The following BLTP1 variants were observed in gnomAD, a reference collection of about 807,000 sequenced individuals.
BLTP1 encodes fragile site-associated protein.
the BLTP1 span, chr4:122,221,117 A>G: frequency 3.4e-6 from 3 of 884,716 alleles, no homozygotes; most frequent in African/African-American, 3.6e-5. Context: ...ATGGAACTTA[A>G]TACAAGACAA....
At chr4:122,291,715 A>G in the BLTP1 span, 2 of 978,108 alleles carry the variant, frequency 2.0e-6, no homozygotes, top group African/African-American at 3.5e-5. Context: ...TAAGGAGGTT[A>G]CCATCTTAGA....
At chr4:122,190,178 C>A in the BLTP1 span, 5 of 1,418,148 alleles carry the variant, frequency 3.5e-6, no homozygotes, top group African/African-American at 1.4e-5. Flanking sequence ...TCCACTATAC[C>A]CTTGACCTTC....
chr4:122,288,811 A>G, the BLTP1 span: 4 of 330,656 alleles, frequency 1.2e-5, no homozygotes, highest in African/African-American at 4.5e-5. Flanking sequence ...AGCAAGTTAA[A>G]TATATAACTT....
chr4:122,208,642 T>C, the BLTP1 span: 1 of 984,626 alleles, frequency 1.0e-6, no homozygotes, highest in Non-Finnish European at 1.2e-6. Flanking sequence ...TTTCACTGTT[T>C]GGAAACTATG....
At chr4:122,251,808 C>T in the BLTP1 span, among the ~76,000 whole-genome samples, 1 of 152,122 alleles carries the variant, frequency 6.6e-6, no homozygotes, top group African/African-American at 2.4e-5. Flanking sequence ...CTGTTCTTGG[C>T]TCTTCCTTTC....
the BLTP1 span, among the ~76,000 whole-genome samples, chr4:122,338,345 T>C: frequency 2.0e-5 from 3 of 151,902 alleles, no homozygotes; most frequent in African/African-American, 7.3e-5. Context: ...TGATTGTATG[T>C]ATCTGTGGTC....
At chr4:122,223,072 AAAGGT>A in the BLTP1 span, 1 of 842,736 alleles carries the variant, frequency 1.2e-6, no homozygotes, top group Non-Finnish European at 1.4e-6. Flanking sequence ...CCTCAGTAAA[AAAGGT>A]AAGGAAATTA....
chr4:122,189,557 T>G, the BLTP1 span: 1 of 771,646 alleles, frequency 1.3e-6, no homozygotes, highest in Non-Finnish European at 1.6e-6. Flanking sequence ...AAAATGATAC[T>G]TATTAGTTAT....
At chr4:122,352,363 T>C in the BLTP1 span, among the ~76,000 whole-genome samples, 3 of 147,054 alleles carry the variant, frequency 2.0e-5, no homozygotes, top group South Asian at 2.2e-4. Context: ...TTCTTTTTTT[T>C]TTTTTTTTTT....
At chr4:122,362,100 T>C in the BLTP1 span, 6 of 1,613,510 alleles carry the variant, frequency 3.7e-6, no homozygotes, top group Non-Finnish European at 5.1e-6. Context: ...AATTGGGCTT[T>C]CATCATGCTA....
the BLTP1 span, among the ~76,000 whole-genome samples, chr4:122,268,410 G>C: frequency 7.2e-5 from 11 of 152,056 alleles, no homozygotes; most frequent in Non-Finnish European, 1.6e-4. Context: ...TTTATCCTTT[G>C]CACTTTCAAT....
the BLTP1 span, chr4:122,334,584 A>C: frequency 6.3e-7 from 1 of 1,592,218 alleles, no homozygotes; most frequent in East Asian, 2.2e-5. Context: ...TGTCATTTTA[A>C]AAATTTTTAG....
the BLTP1 span, chr4:122,162,807 C>T: frequency 3.8e-6 from 1 of 261,372 alleles, no homozygotes; most frequent in Non-Finnish European, 5.9e-6. Context: ...ATGAACTTGA[C>T]TCATACTTTA....
chr4:122,334,282 T>C, the BLTP1 span: 6 of 1,351,198 alleles, frequency 4.4e-6, no homozygotes, highest in Non-Finnish European at 6.2e-6. Flanking sequence ...CATTTTTCTA[T>C]ATTTCTTGAT....
chr4:122,265,423 G>A, the BLTP1 span, among the ~76,000 whole-genome samples: 1 of 151,996 alleles, frequency 6.6e-6, no homozygotes, highest in Non-Finnish European at 1.5e-5. Context: ...TTTTCAATGT[G>A]GTTGGTTGAG....
the BLTP1 span, among the ~76,000 whole-genome samples, chr4:122,332,629 C>CTTT: frequency 0.24 from 33,986 of 142,378 alleles, 4,583 homozygotes; most frequent in Non-Finnish European, 0.29. Flanking sequence ...TAAAAGTTTG[C>CTTT]TTTTTTTTTT....
the BLTP1 span, chr4:122,237,909 G>C: frequency 1.2e-5 from 3 of 245,580 alleles, no homozygotes; most frequent in Non-Finnish European, 1.9e-5. Context: ...CTTGAACCCG[G>C]GAGGCAGAGG....
the BLTP1 span, chr4:122,201,865 T>C: frequency 1.9e-5 from 19 of 984,792 alleles, no homozygotes; most frequent in Non-Finnish European, 2.3e-5. Context: ...AGTTGTTTTA[T>C]ACAAGCGTCT....
the BLTP1 span, chr4:122,347,574 C>T: frequency 3.7e-6 from 6 of 1,613,654 alleles, no homozygotes; most frequent in Non-Finnish European, 5.1e-6. Context: ...AACACCTTTC[C>T]CCTGAATCAT....
Sources: gnomAD v4.1 joint callset for allele counts (sites outside exome capture counted in the v4.1 genomes callset) on GRCh38, gnomAD v4.1.1 for gene constraint, MANE v1.5 for transcripts, NCBI Gene and HGNC (gene_info 2026-07-23, HGNC 2026-07-21) for gene names.